The following SIPA1L1 variants were observed in gnomAD, a reference collection of about 807,000 sequenced individuals.
SIPA1L1 encodes signal-induced proliferation-associated 1-like protein 1.
SIPA1L1 carries 26 observed loss-of-function variants against 162.7 expected under a neutral mutation model. That is an observed-to-expected ratio of 0.16 (90% confidence interval 0.12 to 0.22). The LOEUF (loss-of-function observed/expected upper bound fraction) is 0.22. Ranked by LOEUF, SIPA1L1 falls within the 10% of genes least tolerant of loss-of-function variation. The probability of loss-of-function intolerance (pLI) is 1.00; values close to 1 mark genes in which losing one functional copy is unlikely to be tolerated. For synonymous variants in SIPA1L1, 829 were observed against 837.4 expected (o/e 0.99, Z 0.17); for missense variants, 1,874 against 2,241.0 (o/e 0.84, Z 3.31).
chr14:71,460,288 T>C (rs1052104851), intron 2 of SIPA1L1, among the ~76,000 whole-genome samples: 2 of 152,228 alleles, frequency 1.3e-5, no homozygotes, highest in Admixed American at 1.3e-4. Context: ...CGTGGTTTTC[T>C]TTCCTGGTGG....
intron 2 of SIPA1L1, among the ~76,000 whole-genome samples, chr14:71,495,185 G>A (rs528882735): frequency 6.6e-6 from 1 of 152,200 alleles, no homozygotes; most frequent in Admixed American, 6.5e-5. Context: ...TTCTAGAAGA[G>A]TTCGTGAAGA....
At chr14:71,539,514 C>CA (rs1488488978) in intron 4 of SIPA1L1, among the ~76,000 whole-genome samples, 1 of 152,196 alleles carries the variant, frequency 6.6e-6, no homozygotes, top group African/African-American at 2.4e-5. Flanking sequence ...GTTGAAGAAT[C>CA]ACTGCCCTTT....
chr14:71,531,640 T>G (rs1453147551), intron 4 of SIPA1L1, among the ~76,000 whole-genome samples: 1 of 152,038 alleles, frequency 6.6e-6, no homozygotes, highest in African/African-American at 2.4e-5. Context: ...TCTCAGCTCA[T>G]TGCAGCCTCG....
At chr14:71,364,130 T>C (rs1176838846) in intron 2 of SIPA1L1, among the ~76,000 whole-genome samples, 1 of 152,202 alleles carries the variant, frequency 6.6e-6, no homozygotes, top group African/African-American at 2.4e-5. Flanking sequence ...CCTAAGAATA[T>C]ACAAGCACAC....
In SIPA1L1 at chr14:71,529,326, G is replaced by A; in HGVS notation, c.-347G>A. ...TTTTATTTCAGGTTATACCTTATTGGTGTGGACGTTGTCTAAATTTCGGTA... is the reference window on the plus strand; with the variant it reads ...TTTTATTTCAGGTTATACCTTATTGATGTGGACGTTGTCTAAATTTCGGTA... On this transcript the variant is annotated 5_prime_UTR_variant, in exon 4 of 24. It adds an upstream start codon to the 5' untranslated region. Transcript: ENST00000381232. The A allele has an allele frequency of 1.5e-6, 1 of 678,998 alleles. No homozygotes were observed. The highest frequency in any genetic ancestry group is 2.7e-6 in the Non-Finnish European group (1 of 374,718). The allele number at this position is 678,998 out of a possible 1,614,324, so 42.1% of individuals were successfully genotyped here. A position where few individuals can be genotyped will look rare whatever the true frequency, so the allele number is the denominator to read the frequency against.
intron 3 of SIPA1L1, among the ~76,000 whole-genome samples, chr14:71,514,871 G>A (rs1352742528): frequency 6.6e-6 from 1 of 152,154 alleles, no homozygotes; most frequent in Non-Finnish European, 1.5e-5. Context: ...GTGTGCTAAG[G>A]ATTATATCAA....
chr14:71,534,015 A>G (rs1373646222), intron 4 of SIPA1L1, among the ~76,000 whole-genome samples: 1 of 152,070 alleles, frequency 6.6e-6, no homozygotes. Flanking sequence ...CTTGGAGGCC[A>G]GGAGTTTGAG....
intron 13 of SIPA1L1, among the ~76,000 whole-genome samples, chr14:71,693,113 G>A (rs752771916): frequency 3.6e-4 from 55 of 152,000 alleles, no homozygotes; most frequent in Non-Finnish European, 4.0e-4. Flanking sequence ...TTAATTTTGC[G>A]CATATTTGCA....
intron 4 of SIPA1L1, among the ~76,000 whole-genome samples, chr14:71,546,978 C>T (rs2055274716): frequency 6.6e-6 from 1 of 152,150 alleles, no homozygotes; most frequent in African/African-American, 2.4e-5. Context: ...GATTATACCT[C>T]TTCTCAATTG....
chr14:71,520,129 A>C (rs529724473), intron 3 of SIPA1L1, among the ~76,000 whole-genome samples: 1 of 152,138 alleles, frequency 6.6e-6, no homozygotes, highest in Non-Finnish European at 1.5e-5. Flanking sequence ...AATTTTTTTT[A>C]AATAATGAAA....
At chr14:71,599,460 C>CTT (rs111750084) in intron 5 of SIPA1L1, among the ~76,000 whole-genome samples, 4 of 130,312 alleles carry the variant, frequency 3.1e-5, no homozygotes, top group African/African-American at 8.6e-5. Context: ...CGATTTCATT[C>CTT]TTTTTTTTTT....
intron 4 of SIPA1L1, among the ~76,000 whole-genome samples, chr14:71,581,549 A>G (rs375898299): frequency 2.0e-5 from 3 of 152,160 alleles, no homozygotes; most frequent in East Asian, 1.9e-4. Flanking sequence ...TTCCCCAGAT[A>G]TATTTGGTAA....
At chr14:71,550,313 T>G (rs942517826) in intron 4 of SIPA1L1, among the ~76,000 whole-genome samples, 4 of 152,142 alleles carry the variant, frequency 2.6e-5, no homozygotes, top group Admixed American at 1.3e-4. Context: ...ATAAACTTGC[T>G]CCATGCAGCT....
chr14:71,392,864 CT>C (rs1438571242), intron 2 of SIPA1L1, among the ~76,000 whole-genome samples: 1 of 152,208 alleles, frequency 6.6e-6, no homozygotes, highest in Non-Finnish European at 1.5e-5. Context: ...CCATAAAATC[CT>C]TAAATACAGG....
rs2084642456 is a variant in SIPA1L1, at chr14:71,730,244, C to T, written c.4804C>T (p.Pro1602Ser). The T allele has an allele frequency of 2.5e-6, 4 of 1,614,196 alleles. No individual in the cohort carries two copies. In the East Asian group the frequency reaches 8.9e-5, roughly 36 times the overall value. Residue 1602 changes from proline to serine, a missense_variant, in exon 20 of 24, where the codon CCC (proline) becomes TCC (serine). By Grantham distance (74) the Pro-to-Ser change is moderately conservative. Transcript: ENST00000381232. ...VLFSSTYPSL[P>S]KSLPLRRPSY... ...CTTCAGTAGCACGTACCCTTCTCTC[C>T]CCAAGTCGCTCCCGTTGAGGAGGCC...
chr14:71,506,860 C>G (rs546719171), intron 2 of SIPA1L1, among the ~76,000 whole-genome samples: 1 of 138,632 alleles, frequency 7.2e-6, no homozygotes, highest in Non-Finnish European at 1.5e-5. Flanking sequence ...CACAGGGTCT[C>G]GTCTTGTTGC....
At chr14:71,501,770 C>T (rs994494077) in intron 2 of SIPA1L1, among the ~76,000 whole-genome samples, 1 of 152,070 alleles carries the variant, frequency 6.6e-6, no homozygotes, top group Admixed American at 6.6e-5. Context: ...TGCCTGTAAT[C>T]CCAGCACATT....
chr14:71,699,435 C>G (rs531086762), intron 14 of SIPA1L1, among the ~76,000 whole-genome samples: 1 of 152,166 alleles, frequency 6.6e-6, no homozygotes, highest in African/African-American at 2.4e-5. Context: ...CTTATTTACT[C>G]CAAAGTAGAA....
intron 2 of SIPA1L1, among the ~76,000 whole-genome samples, chr14:71,482,781 CA>C (rs1457017198): frequency 6.6e-6 from 1 of 152,162 alleles, no homozygotes; most frequent in African/African-American, 2.4e-5. Context: ...CCCTCTCACC[CA>C]AATTGAAGTG....
Sources: allele counts gnomAD v4.1 joint callset (sites outside exome capture counted in the v4.1 genomes callset), GRCh38; gene constraint gnomAD v4.1.1; transcripts MANE v1.5; gene names NCBI Gene and HGNC (gene_info 2026-07-23, HGNC 2026-07-21).